The following GINS4 variants were observed in gnomAD, a reference collection of about 807,000 sequenced individuals.
The protein encoded by GINS4 is DNA replication complex GINS protein SLD5.
Under a neutral mutation model 31.1 loss-of-function variants are expected in GINS4, and 20 were observed. The observed-to-expected ratio is 0.64, with a 90% CI of 0.45 to 0.93. The LOEUF (loss-of-function observed/expected upper bound fraction) is 0.93, where lower values mean the gene tolerates loss of function less well. GINS4 is among the 40% of genes least tolerant of loss of function. The probability of loss-of-function intolerance (pLI) is 0.00; values close to 1 mark genes in which losing one functional copy is unlikely to be tolerated. For missense variants in GINS4, 245 were observed against 273.9 expected (o/e 0.89, Z 0.75); for synonymous variants, 85 against 97.9 (o/e 0.87, Z 0.78).
chr8:41,534,914 C>T (rs534537822), intron 2 of GINS4, among the ~76,000 whole-genome samples: 3 of 152,022 alleles, frequency 2.0e-5, no homozygotes, highest in Admixed American at 1.3e-4. Flanking sequence ...TTAGTGGAGA[C>T]GGAGTTTCAC....
rs148718218 is a variant in GINS4, at chr8:41,532,177, T to C, written c.96+1879T>C. On this transcript the variant is annotated intron_variant, in intron 2 of 7. Coordinates refer to ENST00000276533, the MANE Select transcript of GINS4 (RefSeq NM_032336.3). ...AGAAGATATTTGCAAAATACTAATA[T>C]GTAGCTGACACAAGATGATTATCCA... Among the ~76,000 whole-genome samples the C allele has an allele frequency of 2.4e-3, 359 of 152,304 alleles. 4 individuals are homozygous for C. The highest frequency in any genetic ancestry group is 8.9e-3 in the South Asian group (43 of 4,820).
Position 41,542,180 on chromosome 8 carries a change from G to A in GINS4, c.*93G>A, listed in dbSNP as rs552035072. Reference sequence around the variant, plus strand: ...GGGCGGATCATGAGGTCAGGAGTTCGAGACCAACCGACCAACATGGTGAAA... The same window carrying A: ...GGGCGGATCATGAGGTCAGGAGTTCAAGACCAACCGACCAACATGGTGAAA... On this transcript the variant is annotated 3_prime_UTR_variant, in exon 8 of 8. Coordinates refer to ENST00000276533, the MANE Select transcript of GINS4 (RefSeq NM_032336.3). 114 of 856,508 alleles carry A rather than the reference G, an allele frequency of 1.3e-4. No homozygotes were observed. In the East Asian group the frequency reaches 2.3e-3, roughly 17 times the overall value. The allele number at this position is 856,508 out of a possible 1,614,324, so 53.1% of individuals were successfully genotyped here.
chr8:41,539,773 A>G lies in GINS4; in HGVS notation c.393A>G (p.Arg131=). 1 of 1,613,468 alleles carries G rather than the reference A, an allele frequency of 6.2e-7. No homozygotes were observed. The highest frequency in any genetic ancestry group is 8.5e-7 in the Non-Finnish European group (1 of 1,179,388). The change falls in exon 5 of 8, where the codon AGA becomes AGG. Residue 131 remains arginine (R), a splice_region_variant and synonymous_variant. Transcript: ENST00000276533. ...CGCCGGAAGAGTTGGCCTTTGCCAG[A>G]GAGTGAGTGAGTGAGCCGTTGGCGT... The part of the protein sequence containing the change: ...SLSPEELAFA[R]EFMANTESYL...
chr8:41,531,954 G>C (rs934999722), intron 2 of GINS4, among the ~76,000 whole-genome samples: 2 of 152,154 alleles, frequency 1.3e-5, no homozygotes, highest in African/African-American at 2.4e-5. Flanking sequence ...ACCACGCCTG[G>C]CTACTTTTTG....
chr8:41,541,429 C>T (rs1376072120), intron 6 of GINS4, among the ~76,000 whole-genome samples: 1 of 152,154 alleles, frequency 6.6e-6, no homozygotes, highest in Non-Finnish European at 1.5e-5. Flanking sequence ...ACTACTTGGC[C>T]TCGCTTTCAC....
intron 2 of GINS4, among the ~76,000 whole-genome samples, chr8:41,531,699 AGGG>A (rs1806650226): frequency 6.6e-6 from 1 of 152,208 alleles, no homozygotes; most frequent in South Asian, 2.1e-4. Context: ...TATGACTTCC[AGGG>A]GATCAGAGAT....
At chr8:41,537,372 C>CCCCAGCCCAAGT in intron 4 of GINS4, 79 bp downstream of exon 4, 1 of 1,087,820 alleles carries the variant, frequency 9.2e-7, no homozygotes, top group Non-Finnish European at 1.4e-6. Flanking sequence ...AAAACTTGGG[C>CCCCAGCCCAAGT]TGGGGCCCAG....
In GINS4 at chr8:41,530,175, T is replaced by G; in HGVS notation, c.-19-9T>G. 2 of 1,497,900 alleles carry G rather than the reference T, an allele frequency of 1.3e-6. No homozygotes were observed. Among genetic ancestry groups the G allele is most frequent in the Non-Finnish European group, 9.3e-7 (1 of 1,076,244 alleles). The allele number at this position is 1,497,900 out of a possible 1,614,324, so 92.8% of individuals were successfully genotyped here. A position where few individuals can be genotyped will look rare whatever the true frequency, so the allele number is the denominator to read the frequency against. ...CATTGCAGAGTATTGGTTCTTTCCCTCTCATTAGGTTCCTGGTTTCAGAGA... is the reference window on the plus strand; with the variant it reads ...CATTGCAGAGTATTGGTTCTTTCCCGCTCATTAGGTTCCTGGTTTCAGAGA... On this transcript the variant is annotated splice_polypyrimidine_tract_variant and intron_variant, in intron 1 of 7. Transcript: ENST00000276533.
chr8:41,539,731 G>A lies in GINS4; in HGVS notation c.351G>A (p.Gly117=). 6.2e-7 allele frequency: 1 copy of A among 1,614,172 alleles called. No homozygotes were observed. Among genetic ancestry groups the A allele is most frequent in the Non-Finnish European group, 8.5e-7 (1 of 1,180,028 alleles). Residue 117 remains glycine (G), a synonymous_variant, in exon 5 of 8, where the codon GGG becomes GGA. Coordinates refer to ENST00000276533, the MANE Select transcript of GINS4 (RefSeq NM_032336.3). ...AGAAGGAAAAAACACGTCCTGAGGGGGAGCCTTCCAGCCTCTCGCCGGAAG... is the reference window on the plus strand; with the variant it reads ...AGAAGGAAAAAACACGTCCTGAGGGAGAGCCTTCCAGCCTCTCGCCGGAAG... The part of the protein sequence containing the change: ...VLEKEKTRPE[G]EPSSLSPEEL...
chr8:41,543,679 C>T lies in GINS4; in HGVS notation c.*1592C>T, dbSNP rs1448047368. ...CATTGCTGTCATTTCCAAGAGAAAT[C>T]AGTAGGGGAAAGCAAGGGAGGTCTT... On this transcript the variant is annotated 3_prime_UTR_variant, in exon 8 of 8. Transcript: ENST00000276533. 2.6e-5 allele frequency: 4 copies of T among 151,590 alleles called. No homozygotes were observed. The East Asian group carries it at 7.7e-4, about 29-fold the overall frequency. 9.4% of individuals were successfully genotyped at this position (151,590 alleles called of 1,614,324 possible). A position where few individuals can be genotyped will look rare whatever the true frequency, so the allele number is the denominator to read the frequency against.
At chr8:41,539,874 T>C (rs767232488) in intron 5 of GINS4, 42 bp from the exon 6 acceptor site, 1 of 1,588,032 alleles carries the variant, frequency 6.3e-7, no homozygotes, top group South Asian at 1.1e-5. Flanking sequence ...TGGACGTCCA[T>C]CAGCTGTGTA....
At chr8:41,536,868 G>T (rs1057252438) in intron 3 of GINS4, among the ~76,000 whole-genome samples, 3 of 152,200 alleles carry the variant, frequency 2.0e-5, no homozygotes, top group Non-Finnish European at 4.4e-5. Flanking sequence ...GTAAAATGTG[G>T]ATATTTCAGT....
rs775426528 is a variant in GINS4, at chr8:41,541,792, T to A, written c.485-17T>A. 29 of 1,603,976 alleles carry A rather than the reference T, an allele frequency of 1.8e-5. No individual in the cohort carries two copies. The Admixed American group carries it at 4.7e-4, about 26-fold the overall frequency. On this transcript the variant is annotated splice_polypyrimidine_tract_variant and intron_variant, in intron 6 of 7. Transcript: ENST00000276533. ...TTGGCCGAGGATTTCCTAATCACAT[T>A]GTTGTTTTCCTGGCAGTTCCCAAAC...
At chr8:41,536,577 A>C (rs1806744958) in intron 3 of GINS4, 131 bp downstream of exon 3, 2 of 615,022 alleles carry the variant, frequency 3.3e-6, no homozygotes, top group African/African-American at 3.7e-5. Flanking sequence ...TCTTTAAAAC[A>C]ACATTGAATT....
chr8:41,529,279 C>T lies in GINS4; in HGVS notation c.-137C>T, dbSNP rs994826674. 3.3e-5 allele frequency: 5 copies of T among 152,448 alleles called. No homozygotes were observed. Among genetic ancestry groups the T allele is most frequent in the African/African-American group, 1.2e-4 (5 of 41,468 alleles). 9.4% of individuals were successfully genotyped at this position (152,448 alleles called of 1,614,324 possible). A position where few individuals can be genotyped will look rare whatever the true frequency, so the allele number is the denominator to read the frequency against. On this transcript the variant is annotated 5_prime_UTR_variant, in exon 1 of 8. Transcript: ENST00000276533. Reference sequence around the variant, plus strand: ...CAGGGTTGAGTTGGTCCCGGCAAGTCCTTGAGCAGTTTGTTCCTCTGTCTT... The same window carrying T: ...CAGGGTTGAGTTGGTCCCGGCAAGTTCTTGAGCAGTTTGTTCCTCTGTCTT...
chr8:41,542,203 A>T lies in GINS4; in HGVS notation c.*116A>T, dbSNP rs2150462521. On this transcript the variant is annotated 3_prime_UTR_variant, in exon 8 of 8. Transcript: ENST00000276533. ...TCGAGACCAACCGACCAACATGGTG[A>T]AACCCCATCTTTACTAAAAATACAA... The T allele has an allele frequency of 4.0e-6, 3 of 741,286 alleles. No individual in the cohort carries two copies. In the South Asian group the frequency reaches 4.2e-5, roughly 10 times the overall value. The allele number at this position is 741,286 out of a possible 1,614,324, so 45.9% of individuals were successfully genotyped here.
At chr8:41,535,066 G>A (rs369786204) in intron 2 of GINS4, among the ~76,000 whole-genome samples, 13 of 151,956 alleles carry the variant, frequency 8.6e-5, no homozygotes, top group African/African-American at 3.1e-4. Context: ...GGCTGGGCTC[G>A]GTGGCTCACG....
chr8:41,537,525 C>G, intron 4 of GINS4: 1 of 442,862 alleles, frequency 2.3e-6, no homozygotes. Flanking sequence ...TTAGTCTGTT[C>G]ACCTGCCGAG....
At chr8:41,540,404 G>A in intron 6 of GINS4, 1 of 228,074 alleles carries the variant, frequency 4.4e-6, no homozygotes, top group South Asian at 5.3e-5. Flanking sequence ...GAATGCACAG[G>A]GCTCGCCTAG....
Sources: gnomAD v4.1 joint callset for allele counts (sites outside exome capture counted in the v4.1 genomes callset) on GRCh38, gnomAD v4.1.1 for gene constraint, MANE v1.5 for transcripts, NCBI Gene and HGNC (gene_info 2026-07-23, HGNC 2026-07-21) for gene names.